The following GUCY1A2 variants were observed in gnomAD, a reference collection of about 807,000 sequenced individuals.
The protein encoded by GUCY1A2 is guanylate cyclase 1 soluble subunit alpha 2.
A neutral mutation model predicts 63.5 loss-of-function variants in GUCY1A2; 27 were observed. The observed-to-expected ratio is 0.43, with a 90% CI of 0.31 to 0.59. GUCY1A2 has a LOEUF of 0.59. Ranked by LOEUF, GUCY1A2 falls within the 20% of genes least tolerant of loss-of-function variation. The pLI is 0.11. For synonymous variants in GUCY1A2, 364 were observed against 343.5 expected (o/e 1.06, Z -0.66); for missense variants, 768 against 913.3 (o/e 0.84, Z 2.05).
rs1189506317 is a variant in GUCY1A2 at position 106,850,517 on chromosome 11, TC to T, written c.1207-40040del. Among the ~76,000 whole-genome samples, 3 of 151,680 alleles carry T rather than the reference TC, an allele frequency of 2.0e-5. No individual in the cohort carries two copies. The East Asian group carries it at 5.8e-4, about 29-fold the overall frequency. On this transcript the variant is annotated intron_variant, in intron 4 of 7. Coordinates refer to ENST00000526355, the MANE Select transcript of GUCY1A2 (RefSeq NM_000855.3). ...CCCATCTTTCTCTATCCCCTACTCT[TC>T]CCAACCTCACCCACAATTCTACTCT...
At chr11:106,708,270 G>A (rs937655742) in intron 7 of GUCY1A2, among the ~76,000 whole-genome samples, 1 of 152,066 alleles carries the variant, frequency 6.6e-6, no homozygotes, top group Non-Finnish European at 1.5e-5. Context: ...GAAGGACAGA[G>A]ACTGTGGGAA....
chr11:107,015,258 G>A (rs1861803826), intron 1 of GUCY1A2, among the ~76,000 whole-genome samples: 1 of 152,008 alleles, frequency 6.6e-6, no homozygotes, highest in Non-Finnish European at 1.5e-5. Context: ...AAACAACTAT[G>A]GCATGGAAAG....
chr11:106,805,999 G>A (rs1175108466), intron 5 of GUCY1A2, among the ~76,000 whole-genome samples: 1 of 152,068 alleles, frequency 6.6e-6, no homozygotes, highest in Non-Finnish European at 1.5e-5. Context: ...AATGCCACAT[G>A]TTATTCAAGG....
rs563233458 is a variant in GUCY1A2, at chr11:106,755,875, C to G, written c.1836+20564G>C. On this transcript the variant is annotated intron_variant, in intron 6 of 7. Coordinates refer to ENST00000526355, the MANE Select transcript of GUCY1A2 (RefSeq NM_000855.3). ...ATGCCTATTAGGTCCACTCGGTCCACAGCAGAGTTCAAGTCCTGGATATCC... is the reference window on the plus strand; with the variant it reads ...ATGCCTATTAGGTCCACTCGGTCCAGAGCAGAGTTCAAGTCCTGGATATCC... 6.6e-5 allele frequency among the ~76,000 whole-genome samples: 10 copies of G among 152,140 alleles called. No homozygotes were observed. The East Asian group carries it at 1.9e-3, about 29-fold the overall frequency.
chr11:106,801,405 G>A (rs532611405), intron 5 of GUCY1A2, among the ~76,000 whole-genome samples: 1 of 152,142 alleles, frequency 6.6e-6, no homozygotes, highest in East Asian at 1.9e-4. Flanking sequence ...ATTGATAAAT[G>A]AATATCTCAT....
At chr11:106,743,474 C>T (rs561729146) in intron 6 of GUCY1A2, among the ~76,000 whole-genome samples, 1 of 152,066 alleles carries the variant, frequency 6.6e-6, no homozygotes, top group Non-Finnish European at 1.5e-5. Flanking sequence ...TAGAATTTAC[C>T]ATTAAATAAA....
Position 106,684,381 on chromosome 11 carries a change from C to T in GUCY1A2, c.*3168G>A, listed in dbSNP as rs956199254. ...GTTACCTGGAAGCTATGTCTTCTTCCCCTTCTCTACGTTATATAGACAAGA... is the reference window on the plus strand; with the variant it reads ...GTTACCTGGAAGCTATGTCTTCTTCTCCTTCTCTACGTTATATAGACAAGA... On this transcript the variant is annotated 3_prime_UTR_variant, in exon 8 of 8. Transcript: ENST00000526355. 5.2e-6 allele frequency: 1 copy of T among 191,326 alleles called. No homozygotes were observed. The allele number at this position is 191,326 out of a possible 1,614,324, so 11.9% of individuals were successfully genotyped here.
chr11:106,903,743 G>T (rs549285886), intron 4 of GUCY1A2, among the ~76,000 whole-genome samples: 1 of 152,266 alleles, frequency 6.6e-6, no homozygotes, highest in African/African-American at 2.4e-5. Context: ...TCTGTGAAGT[G>T]TTATTACCTC....
intron 5 of GUCY1A2, among the ~76,000 whole-genome samples, chr11:106,805,424 T>G (rs1444021243): frequency 6.6e-6 from 1 of 152,068 alleles, no homozygotes; most frequent in Non-Finnish European, 1.5e-5. Context: ...TTTTGTATTT[T>G]TAGTAGAGAC....
At chr11:106,801,259 G>A (rs563509662) in intron 5 of GUCY1A2, among the ~76,000 whole-genome samples, 25 of 152,022 alleles carry the variant, frequency 1.6e-4, no homozygotes, top group Non-Finnish European at 2.6e-4. Flanking sequence ...ACTACATTGA[G>A]GGCCTCATGT....
At chr11:106,991,219 A>T (rs138153353) in intron 1 of GUCY1A2, among the ~76,000 whole-genome samples, 144 of 152,080 alleles carry the variant, frequency 9.5e-4, no homozygotes, top group Non-Finnish European at 6.6e-4. Flanking sequence ...CCAGGTCTCA[A>T]ACTCCTGACC....
intron 4 of GUCY1A2, among the ~76,000 whole-genome samples, chr11:106,861,334 G>A (rs1859509307): frequency 6.6e-6 from 1 of 151,940 alleles, no homozygotes; most frequent in Non-Finnish European, 1.5e-5. Context: ...TGTCTTCAAA[G>A]GTTTTGTGTG....
chr11:106,986,099 T>C lies in GUCY1A2; in HGVS notation c.336A>G (p.Thr112=), dbSNP rs1861397178. ...PQTIQQTLKR[T]LQYYEHQVIG... is the part of the protein sequence containing the mutation. ...TAACTTGATGTTCATAATACTGCAG[T>C]GTCCTCTTGAGAGTCTGCTGTATCG... Residue 112 remains threonine (T), a synonymous_variant, in exon 2 of 8, where the codon ACA becomes ACG. Transcript: ENST00000526355. The C allele has an allele frequency of 1.4e-6, 2 of 1,434,112 alleles. No homozygotes were observed. Among genetic ancestry groups the C allele is most frequent in the African/African-American group, 1.4e-5 (1 of 71,454 alleles). 88.8% of individuals were successfully genotyped at this position (1,434,112 alleles called of 1,614,324 possible). A position where few individuals can be genotyped will look rare whatever the true frequency, so the allele number is the denominator to read the frequency against.
At chr11:106,763,555 TAAAC>T (rs1175081516) in intron 6 of GUCY1A2, among the ~76,000 whole-genome samples, 2 of 152,122 alleles carry the variant, frequency 1.3e-5, no homozygotes, top group Non-Finnish European at 2.9e-5. Context: ...AGCTTTCAGA[TAAAC>T]TAACTAATTA....
chr11:106,756,725 C>T (rs949115062), intron 6 of GUCY1A2, among the ~76,000 whole-genome samples: 1 of 152,234 alleles, frequency 6.6e-6, no homozygotes, highest in African/African-American at 2.4e-5. Context: ...TGCTGTTAGT[C>T]TGATGAGCTT....
At chr11:106,940,667 A>G (rs1433119273) in intron 3 of GUCY1A2, among the ~76,000 whole-genome samples, 1 of 152,154 alleles carries the variant, frequency 6.6e-6, no homozygotes, top group Admixed American at 6.6e-5. Context: ...ATGTATAATG[A>G]TATGTATACA....
chr11:106,861,572 A>G (rs563440890), intron 4 of GUCY1A2, among the ~76,000 whole-genome samples: 7 of 152,148 alleles, frequency 4.6e-5, no homozygotes, highest in African/African-American at 1.7e-4. Flanking sequence ...CATTACAGCT[A>G]TGGTTAGCAA....
intron 4 of GUCY1A2, among the ~76,000 whole-genome samples, chr11:106,910,922 G>A (rs1166900340): frequency 6.6e-6 from 1 of 151,992 alleles, no homozygotes; most frequent in Non-Finnish European, 1.5e-5. Context: ...ACCAAAACCA[G>A]TCCGCTGAAT....
In GUCY1A2 at chr11:106,685,056, T is replaced by C; in HGVS notation, c.*2493A>G. On this transcript the variant is annotated 3_prime_UTR_variant, in exon 8 of 8. Transcript: ENST00000526355. ...CAACATTGTAACTACAATAATCAAC[T>C]ATAATAGATTAGCAAAATGATAACA... 1 of 205,974 alleles carries C rather than the reference T, an allele frequency of 4.9e-6. No individual in the cohort carries two copies. The highest frequency in any genetic ancestry group is 9.9e-6 in the Non-Finnish European group (1 of 100,766). The allele number at this position is 205,974 out of a possible 1,614,324, so 12.8% of individuals were successfully genotyped here.
Sources: allele counts gnomAD v4.1 joint callset (sites outside exome capture counted in the v4.1 genomes callset), GRCh38; gene constraint gnomAD v4.1.1; transcripts MANE v1.5; gene names NCBI Gene and HGNC (gene_info 2026-07-23, HGNC 2026-07-21).